TERB1: variants seen among roughly 807,000 people sequenced by gnomAD.
TERB1 encodes the protein telomere repeat binding bouquet formation protein 1.
In TERB1, 63 loss-of-function variants were observed where a neutral mutation model predicts 92.3. That is an observed-to-expected ratio of 0.68 (90% CI 0.56 to 0.84). The LOEUF is 0.84. TERB1 is among the 40% of genes least tolerant of loss of function. The pLI is 0.00. For synonymous variants in TERB1, 252 were observed against 283.9 expected (o/e 0.89, Z 1.13); for missense variants, 709 against 843.7 (o/e 0.84, Z 1.98).
rs1649210554 is a variant in TERB1, at chr16:66,754,815, T to C, written c.*161A>G. On this transcript the variant is annotated 3_prime_UTR_variant, in exon 19 of 19. Coordinates refer to ENST00000433154, the MANE Select transcript of TERB1 (RefSeq NM_001136505.2). ...GATGATATATTTGCTTTATAAATCA[T>C]TGTAATTTGATGAGTTTCAGCATCA... 2 of 635,998 alleles carry C rather than the reference T, an allele frequency of 3.1e-6. No individual in the cohort carries two copies. Among genetic ancestry groups the C allele is most frequent in the Non-Finnish European group, 5.3e-6 (2 of 375,442 alleles). The allele number at this position is 635,998 out of a possible 1,614,324, so 39.4% of individuals were successfully genotyped here.
chr16:66,767,467 G>C lies in TERB1; in HGVS notation c.1728C>G (p.Val576=), dbSNP rs995007808. The C allele has an allele frequency of 1.3e-6, 2 of 1,528,148 alleles. No homozygotes were observed. Among genetic ancestry groups the C allele is most frequent in the Non-Finnish European group, 1.8e-6 (2 of 1,138,192 alleles). 94.7% of individuals were successfully genotyped at this position (1,528,148 alleles called of 1,614,324 possible). A position where few individuals can be genotyped will look rare whatever the true frequency, so the allele number is the denominator to read the frequency against. Residue 576 remains valine, a synonymous_variant, in exon 16 of 19, where the codon GTC becomes GTG. Transcript: ENST00000433154. ...LCSDIINKEV[V]SFLATPSCSE... is the part of the protein sequence containing the mutation. The stretch of plus-strand genomic sequence containing the variant: ...AACAACTGGGAGTTGCTAGAAAACT[G>C]ACTACTTCTTTATTTATTATATCTG...
chr16:66,774,286 C>T (rs577919695), intron 12 of TERB1, among the ~76,000 whole-genome samples: 5 of 141,224 alleles, frequency 3.5e-5, no homozygotes, highest in Non-Finnish European at 7.6e-5. Flanking sequence ...CCCGGGTTCA[C>T]GCCATTCTCC....
intron 14 of TERB1, among the ~76,000 whole-genome samples, chr16:66,769,246 TA>T (rs1365105897): frequency 6.6e-6 from 1 of 152,160 alleles, no homozygotes; most frequent in Admixed American, 6.5e-5. Flanking sequence ...CCAATTCCCA[TA>T]CCTGAGCAAT....
intron 6 of TERB1, among the ~76,000 whole-genome samples, chr16:66,787,063 G>A (rs1274973710): frequency 1.3e-5 from 2 of 152,120 alleles, no homozygotes; most frequent in Non-Finnish European, 2.9e-5. Flanking sequence ...CTCCCCAAGT[G>A]CTGGGGTTAC....
intron 9 of TERB1, among the ~76,000 whole-genome samples, chr16:66,785,163 G>C (rs1191453699): frequency 6.6e-6 from 1 of 151,800 alleles, no homozygotes; most frequent in Non-Finnish European, 1.5e-5. Flanking sequence ...CGGATTATAG[G>C]TGTCTGCCAC....
chr16:66,768,818 C>A (rs542305712), intron 14 of TERB1, among the ~76,000 whole-genome samples: 1 of 152,082 alleles, frequency 6.6e-6, no homozygotes, highest in Non-Finnish European at 1.5e-5. Context: ...ATATGGCTAA[C>A]CCTAGCCGGG....
At chr16:66,788,591 C>CA (rs80141541) in intron 5 of TERB1, among the ~76,000 whole-genome samples, 2,917 of 117,724 alleles carry the variant, frequency 0.025, 55 homozygotes, top group South Asian at 0.11. Flanking sequence ...TAAAATTTAG[C>CA]AAAAAAAAAA....
intron 12 of TERB1, among the ~76,000 whole-genome samples, chr16:66,774,292 T>C (rs895143280): frequency 6.6e-6 from 1 of 150,566 alleles, no homozygotes; most frequent in Non-Finnish European, 1.5e-5. Flanking sequence ...TTCACGCCAT[T>C]CTCCTGCCTC....
At chr16:66,755,506 G>A (rs547945031) in intron 18 of TERB1, among the ~76,000 whole-genome samples, 1 of 152,354 alleles carries the variant, frequency 6.6e-6, no homozygotes, top group African/African-American at 2.4e-5. Context: ...CAGGCACGGT[G>A]ACTTATGCCT....
chr16:66,797,999 A>C (rs1023834249), intron 2 of TERB1, among the ~76,000 whole-genome samples: 12 of 151,772 alleles, frequency 7.9e-5, no homozygotes, highest in Non-Finnish European at 1.5e-4. Flanking sequence ...TAAAATTCTT[A>C]TTTATTCCAA....
Position 66,790,611 on chromosome 16 carries a change from A to G in TERB1, c.255T>C (p.Ala85=). The G allele has an allele frequency of 6.5e-7, 1 of 1,544,052 alleles. No individual in the cohort carries two copies. ...VKEAALYTLG[A]IAEKNVYCQQ... Reference sequence around the variant, plus strand: ...ATATTTTACCATTTTTCTCTGCAATAGCTCCTAATGTATATAAGGCTGCTT... The same window carrying G: ...ATATTTTACCATTTTTCTCTGCAATGGCTCCTAATGTATATAAGGCTGCTT... The change falls in exon 5 of 19, where the codon GCT becomes GCC. Residue 85 remains alanine, a synonymous_variant. Coordinates refer to ENST00000433154, the MANE Select transcript of TERB1 (RefSeq NM_001136505.2).
At chr16:66,765,824 T>C (rs1412558369) in intron 16 of TERB1, among the ~76,000 whole-genome samples, 1 of 144,682 alleles carries the variant, frequency 6.9e-6, no homozygotes, top group Non-Finnish European at 1.5e-5. Flanking sequence ...ATTGAAAGGA[T>C]AGCAAATCAA....
At chr16:66,762,362 A>T (rs1434862861) in intron 16 of TERB1, among the ~76,000 whole-genome samples, 1 of 152,116 alleles carries the variant, frequency 6.6e-6, no homozygotes, top group Non-Finnish European at 1.5e-5. Flanking sequence ...ATGCATCCTT[A>T]ACAGATAAGG....
chr16:66,783,663 C>T (rs550117208), intron 9 of TERB1, among the ~76,000 whole-genome samples: 2 of 152,216 alleles, frequency 1.3e-5, no homozygotes, highest in South Asian at 2.1e-4. Flanking sequence ...TAGCAGAATT[C>T]GCCAATGTAA....
Position 66,772,588 on chromosome 16 carries a change from C to T in TERB1, c.1272+1G>A, listed in dbSNP as rs753886190. On this transcript the variant is annotated splice_donor_variant, in intron 13 of 18. Coordinates refer to ENST00000433154, the MANE Select transcript of TERB1 (RefSeq NM_001136505.2). LOFTEE classifies it high-confidence loss of function. Reference sequence around the variant, plus strand: ...ATATTCTTTAAAACAAAGAATCCAACCTCATTTCCTTCTCTTTCAAGCTGT... The same window carrying T: ...ATATTCTTTAAAACAAAGAATCCAATCTCATTTCCTTCTCTTTCAAGCTGT... The T allele has an allele frequency of 1.2e-5, 19 of 1,537,974 alleles. No homozygotes were observed. The highest frequency in any genetic ancestry group is 1.6e-5 in the Non-Finnish European group (18 of 1,143,134).
intron 2 of TERB1, chr16:66,799,937 C>G (rs937456990): frequency 6.6e-6 from 1 of 152,174 alleles, no homozygotes; most frequent in Non-Finnish European, 1.5e-5. Flanking sequence ...TTCTGGATGA[C>G]AGAGAGAACC....
Position 66,758,960 on chromosome 16 carries a change from G to A in TERB1, c.1931-122C>T, listed in dbSNP as rs895418678. ...TGGGAATACTTAGATAGATTAGGAA[G>A]AATTTTTAAACCAACAGTCTAAGAC... On this transcript the variant is annotated intron_variant, in intron 17 of 18. Coordinates refer to ENST00000433154, the MANE Select transcript of TERB1 (RefSeq NM_001136505.2). The A allele has an allele frequency of 1.3e-5, 12 of 953,416 alleles. No individual in the cohort carries two copies. In the African/African-American group the frequency reaches 2.0e-4, roughly 16 times the overall value. The allele number at this position is 953,416 out of a possible 1,614,324, so 59.1% of individuals were successfully genotyped here.
chr16:66,781,221 A>G (rs967747875), intron 9 of TERB1, among the ~76,000 whole-genome samples: 4 of 152,014 alleles, frequency 2.6e-5, no homozygotes, highest in Non-Finnish European at 5.9e-5. Context: ...TATTTGGCTA[A>G]TTTTTAGAAT....
In TERB1 at chr16:66,797,305, G is replaced by A. The variant is rs180721264; in HGVS notation, c.-32-475C>T. On this transcript the variant is annotated intron_variant, in intron 2 of 18. Transcript: ENST00000433154. ...GGCTGGAGCGCAGTGGCTTGATCACGACTCCCTGCAGCCTTGACCTCCCAG... is the reference window on the plus strand; with the variant it reads ...GGCTGGAGCGCAGTGGCTTGATCACAACTCCCTGCAGCCTTGACCTCCCAG... 2.0e-4 allele frequency among the ~76,000 whole-genome samples: 29 copies of A among 147,350 alleles called. No individual in the cohort carries two copies. The East Asian group carries it at 4.2e-3, about 21-fold the overall frequency.
Sources: allele counts gnomAD v4.1 joint callset (sites outside exome capture counted in the v4.1 genomes callset), GRCh38; gene constraint gnomAD v4.1.1; transcripts MANE v1.5; gene names NCBI Gene and HGNC (gene_info 2026-07-23, HGNC 2026-07-21).